The following PDGFRA variants were observed in gnomAD, a reference collection of about 807,000 sequenced individuals.
The protein encoded by PDGFRA is platelet derived growth factor receptor alpha.
A neutral mutation model predicts 121.5 loss-of-function variants in PDGFRA; 25 were observed. The observed-to-expected ratio is 0.21, with a 90% confidence interval of 0.15 to 0.29. The LOEUF (loss-of-function observed/expected upper bound fraction) is 0.29. Ranked by LOEUF, PDGFRA falls within the 10% of genes least tolerant of loss-of-function variation. The pLI is 1.00. For synonymous variants in PDGFRA, 463 were observed against 494.8 expected, an observed-to-expected ratio of 0.94 and a Z score of 0.85; for missense variants, 1,008 against 1,345.1, an observed-to-expected ratio of 0.75 and a Z score of 3.92.
intron 1 of PDGFRA, among the ~76,000 whole-genome samples, chr4:54,250,079 A>G (rs949679455): frequency 1.3e-5 from 2 of 152,188 alleles, no homozygotes; most frequent in East Asian, 1.9e-4. Context: ...TAAGATTTTC[A>G]TGTATTATTA....
At chr4:54,266,260 G>A (rs1005429903) in intron 5 of PDGFRA, among the ~76,000 whole-genome samples, 24 of 152,110 alleles carry the variant, frequency 1.6e-4, no homozygotes, top group Non-Finnish European at 3.2e-4. Context: ...TGTTTTTTCC[G>A]ATTATAAAAG....
At position 54,264,009 on chromosome 4, in the gene PDGFRA, T is replaced by A. The variant is rs76300658; in HGVS notation, c.628+82T>A. The stretch of plus-strand genomic sequence containing the variant: ...TGCGTGTAGGATTTTTTTTTTTTTT[T>A]AAATCATCATCACTGGTGATCCTAA... On this transcript the variant is annotated intron_variant, in intron 4 of 22. Coordinates refer to ENST00000257290, the MANE Select transcript of PDGFRA (RefSeq NM_006206.6). 166 of 1,073,090 alleles carry A rather than the reference T, an allele frequency of 1.5e-4. 2 individuals carry two copies. The highest frequency in any genetic ancestry group is 8.0e-4 in the South Asian group (57 of 70,824). 66.5% of individuals were successfully genotyped at this position (1,073,090 alleles called of 1,614,324 possible).
intron 2 of PDGFRA, among the ~76,000 whole-genome samples, chr4:54,260,723 C>T (rs1722653620): frequency 1.3e-5 from 2 of 152,074 alleles, no homozygotes; most frequent in Admixed American, 1.3e-4. Flanking sequence ...CTCATTTTAA[C>T]TAAAGGAAAC....
At chr4:54,273,028 C>T (rs1309731540) in intron 9 of PDGFRA, among the ~76,000 whole-genome samples, 2 of 152,212 alleles carry the variant, frequency 1.3e-5, no homozygotes, top group Non-Finnish European at 2.9e-5. Flanking sequence ...ATCTTAACTT[C>T]TAGGGCTAAG....
Position 54,289,042 on chromosome 4 carries a change from G to C in PDGFRA, c.2808G>C (p.Glu936Asp). The change falls in exon 21 of 23, where the codon GAG becomes GAC. Residue 936 changes from glutamate (E) to aspartate (D), a missense_variant. Glu to Asp is a conservative substitution (Grantham distance 45). Coordinates refer to ENST00000257290, the MANE Select transcript of PDGFRA (RefSeq NM_006206.6). ...YEIMVKCWNS[E>D]PEKRPSFYHL... Reference sequence around the variant, plus strand: ...TCATGGTGAAATGCTGGAACAGTGAGCCGGAGAAGAGACCCTCCTTTTACC... The same window carrying C: ...TCATGGTGAAATGCTGGAACAGTGACCCGGAGAAGAGACCCTCCTTTTACC... 1 of 1,611,956 alleles carries C rather than the reference G, an allele frequency of 6.2e-7. No individual in the cohort carries two copies. Among genetic ancestry groups the C allele is most frequent in the Non-Finnish European group, 8.5e-7 (1 of 1,178,034 alleles).
chr4:54,240,143 G>A, intron 1 of PDGFRA: 1 of 253,266 alleles, frequency 3.9e-6, no homozygotes, highest in Non-Finnish European at 8.5e-6. Flanking sequence ...GTGAGCCACT[G>A]CACCTGGCCT....
rs543161946 is a variant in PDGFRA at position 54,260,919 on chromosome 4, C to G, written c.50-176C>G. ...GGAGCTATTTGGAACATTTGCTGCTCTCAGCAGATGCAGTGGCTGTTATAA... is the reference window on the plus strand; with the variant it reads ...GGAGCTATTTGGAACATTTGCTGCTGTCAGCAGATGCAGTGGCTGTTATAA... On this transcript the variant is annotated intron_variant, in intron 2 of 22. Transcript: ENST00000257290. Among the ~76,000 whole-genome samples, 149 of 152,224 alleles carry G rather than the reference C, an allele frequency of 9.8e-4. 1 individual carries two copies. In the South Asian group the frequency reaches 0.029, roughly 30 times the overall value.
chr4:54,240,146 C>T, intron 1 of PDGFRA: 1 of 246,558 alleles, frequency 4.1e-6, no homozygotes, highest in Non-Finnish European at 8.8e-6. Context: ...AGCCACTGCA[C>T]CTGGCCTCTC....
chr4:54,247,699 A>G (rs1048095883), intron 1 of PDGFRA, among the ~76,000 whole-genome samples: 1 of 152,206 alleles, frequency 6.6e-6, no homozygotes, highest in Non-Finnish European at 1.5e-5. Context: ...CCTATTCAAC[A>G]TAGTGTTGGA....
At chr4:54,293,843 A>T (rs1191204641) in intron 22 of PDGFRA, among the ~76,000 whole-genome samples, 4 of 151,444 alleles carry the variant, frequency 2.6e-5, no homozygotes, top group African/African-American at 9.7e-5. Context: ...CTGTCTTTGC[A>T]TGGCCCTTGG....
At chr4:54,230,692 G>A (rs1577661291) in intron 1 of PDGFRA, 1 of 152,336 alleles carries the variant, frequency 6.6e-6, no homozygotes, top group Admixed American at 6.5e-5. Context: ...CCTTCTCCGC[G>A]CGGGGGTGCG....
chr4:54,244,142 C>A (rs1321672603), intron 1 of PDGFRA, among the ~76,000 whole-genome samples: 9 of 152,198 alleles, frequency 5.9e-5, no homozygotes, highest in Non-Finnish European at 1.0e-4. Flanking sequence ...GGGTAGGGCA[C>A]AGACAAACAA....
chr4:54,274,353 C>G (rs563131867), intron 10 of PDGFRA, among the ~76,000 whole-genome samples, 178 bp from the exon 11 acceptor site: 2 of 152,218 alleles, frequency 1.3e-5, no homozygotes, highest in African/African-American at 4.8e-5. Context: ...GATGTAGTTT[C>G]CTGGGTGTAG....
intron 16 of PDGFRA, chr4:54,282,128 A>G (rs1724110613): frequency 4.5e-6 from 1 of 222,334 alleles, no homozygotes; most frequent in African/African-American, 2.3e-5. Flanking sequence ...CAAAATAATT[A>G]TGTGTAAGAT....
intron 16 of PDGFRA, among the ~76,000 whole-genome samples, chr4:54,282,308 A>T (rs150930009): frequency 3.3e-4 from 51 of 152,292 alleles, no homozygotes; most frequent in South Asian, 6.2e-4. Flanking sequence ...ATACTGGTAG[A>T]TCTGCTCAGT....
intron 1 of PDGFRA, among the ~76,000 whole-genome samples, chr4:54,232,882 G>A (rs1201114645): frequency 6.6e-6 from 1 of 152,170 alleles, no homozygotes; most frequent in Non-Finnish European, 1.5e-5. Flanking sequence ...CACCGCGCCC[G>A]GCCAGGAACG....
intron 10 of PDGFRA, among the ~76,000 whole-genome samples, chr4:54,274,138 C>G (rs954987378): frequency 6.6e-6 from 1 of 152,076 alleles, no homozygotes; most frequent in Non-Finnish European, 1.5e-5. Flanking sequence ...ATAGATGAAG[C>G]CAAAAGCAAT....
intron 1 of PDGFRA, among the ~76,000 whole-genome samples, chr4:54,239,480 A>C (rs1306225796): frequency 6.6e-6 from 1 of 152,206 alleles, no homozygotes; most frequent in Non-Finnish European, 1.5e-5. Flanking sequence ...TTTGAGTTCC[A>C]CCCTATGACA....
chr4:54,285,780 G>A (rs2110337042), intron 17 of PDGFRA, 61 bp from the exon 18 acceptor site: 3 of 1,484,426 alleles, frequency 2.0e-6, no homozygotes, highest in African/African-American at 1.6e-5. Context: ...AGTCTTGCAG[G>A]GGTGATGCTA....
Sources: allele counts gnomAD v4.1 joint callset (sites outside exome capture counted in the v4.1 genomes callset), GRCh38; gene constraint gnomAD v4.1.1; transcripts MANE v1.5; gene names NCBI Gene and HGNC (gene_info 2026-07-23, HGNC 2026-07-21).